Variants in DNAH1 observed in about 807,000 individuals in gnomAD.
DNAH1 encodes the protein dynein axonemal heavy chain 1.
DNAH1 carries 327 observed loss-of-function variants against 484.3 expected under a neutral mutation model. The observed-to-expected ratio is 0.68, with a 90% CI of 0.62 to 0.74. DNAH1 has a LOEUF of 0.74. Among genes scored for constraint, DNAH1 ranks in the 30% least tolerant of loss-of-function variants. The pLI is 0.00. For missense variants in DNAH1, 5,052 were observed against 5,546.8 expected (o/e 0.91, Z 2.83); for synonymous variants, 2,192 against 2,191.9 (o/e 1.00, Z 0.00).
At chr3:52,326,598 T>G (rs1701353682) in intron 4 of DNAH1, 137 bp from the exon 5 acceptor site, 2 of 1,137,108 alleles carry the variant, frequency 1.8e-6, no homozygotes, top group East Asian at 5.1e-5. Flanking sequence ...CTGATGAGTC[T>G]CAGAGGGGTG....
At chr3:52,327,089 C>G (rs556533169) in intron 5 of DNAH1, among the ~76,000 whole-genome samples, 198 bp downstream of exon 5, 2 of 151,342 alleles carry the variant, frequency 1.3e-5, no homozygotes, top group East Asian at 1.9e-4. Context: ...CCCCAGCCCC[C>G]CTAGAATGCT....
Position 52,386,729 on chromosome 3 carries a change from G to T in DNAH1, c.8879G>T (p.Gly2960Val), listed in dbSNP as rs780656736. ...LVIEAVCIMK[G>V]IKPKKVPGEK... is the part of the protein sequence containing the mutation. ...ATAGAAGCTGTGTGCATTATGAAAG[G>T]CATCAAGCCCAAGAAGGTGCCTGGA... is the stretch of plus-strand genomic sequence containing the variant. The change falls in exon 56 of 78, where the codon GGC becomes GTC. Residue 2960 changes from glycine (G) to valine (V), a missense_variant. This residue lies in a region of DNAH1 where 2,929 missense variants were observed against 3,409.4 expected (regional missense o/e 0.86). Transcript: ENST00000420323. 1 of 1,591,072 alleles carries T rather than the reference G, an allele frequency of 6.3e-7. No homozygotes were observed. The highest frequency in any genetic ancestry group is 1.8e-5 in the Admixed American group (1 of 56,588).
rs1241459648 is a variant in DNAH1 at position 52,322,749 on chromosome 3, A to G, written c.307A>G (p.Ser103Gly). 6.2e-7 allele frequency: 1 copy of G among 1,609,010 alleles called. No individual in the cohort carries two copies. Among genetic ancestry groups the G allele is most frequent in the Admixed American group, 1.7e-5 (1 of 59,396 alleles). ...GCGTGGGTTCTACTCCGACATCCTC[A>G]GCCCTGGAACCTTAGATCAACTTGG... ...KQRGFYSDIL[S>G]PGTLDQLGEV... is the part of the protein sequence containing the mutation. The change falls in exon 2 of 78, where the codon AGC (serine) becomes GGC (glycine). Residue 103 changes from serine to glycine, a missense_variant. By Grantham distance (56) the Ser-to-Gly change is moderately conservative. Around this residue, in one of 4 missense-constraint regions of DNAH1, gnomAD observed 1,263 missense variants for 1,218.8 expected, o/e 1.04. Coordinates refer to ENST00000420323, the MANE Select transcript of DNAH1 (RefSeq NM_015512.5).
intron 63 of DNAH1, among the ~76,000 whole-genome samples, chr3:52,392,247 C>T (rs1406020520): frequency 6.6e-6 from 1 of 152,232 alleles, no homozygotes; most frequent in Non-Finnish European, 1.5e-5. Context: ...GGATTCCAGG[C>T]TGCCACCCAA....
At chr3:52,373,812 A>G (rs1703463686) in intron 44 of DNAH1, 2 of 1,423,446 alleles carry the variant, frequency 1.4e-6, no homozygotes, top group East Asian at 4.6e-5. Flanking sequence ...CCATAATTGG[A>G]ATGTGATCAC....
At position 52,366,878 on chromosome 3, in the gene DNAH1, C is replaced by G. The variant is rs777957303; in HGVS notation, c.5756C>G (p.Thr1919Ser). The change falls in exon 36 of 78, where the codon ACC becomes AGC. Residue 1919 changes from threonine to serine, a missense_variant. This residue lies in a region of DNAH1 where 2,929 missense variants were observed against 3,409.4 expected (regional missense o/e 0.86). Coordinates refer to ENST00000420323, the MANE Select transcript of DNAH1 (RefSeq NM_015512.5). Reference sequence around the variant, plus strand: ...CTGTACGGGGAGTTTGACCTCCTCACCCATGAGTGGTGAGTGACCCCCCAG... The same window carrying G: ...CTGTACGGGGAGTTTGACCTCCTCAGCCATGAGTGGTGAGTGACCCCCCAG... ...GQLYGEFDLL[T>S]HEWTDGIFSS... 4 of 1,612,168 alleles carry G rather than the reference C, an allele frequency of 2.5e-6. No individual in the cohort carries two copies. The African/African-American group carries it at 5.3e-5, about 22-fold the overall frequency.
Position 52,396,624 on chromosome 3 carries a change from G to A in DNAH1, c.11437G>A (p.Glu3813Lys), listed in dbSNP as rs753739635. The change falls in exon 72 of 78, where the codon GAG becomes AAG. Residue 3813 changes from glutamate (E) to lysine (K), a missense_variant. Coordinates refer to ENST00000420323, the MANE Select transcript of DNAH1 (RefSeq NM_015512.5). ...TGCCTCCCACCTCCCCCAGGTGATG[G>A]AGTTCAAGTCTCTGCTGCTGTCTCT... ...DFLNSCHKVM[E>K]FKSLLLSLCL... The A allele has an allele frequency of 4.3e-6, 7 of 1,612,336 alleles. No individual in the cohort carries two copies. Among genetic ancestry groups the A allele is most frequent in the Non-Finnish European group, 5.9e-6 (7 of 1,178,826 alleles).
intron 48 of DNAH1, among the ~76,000 whole-genome samples, chr3:52,380,342 C>G (rs1302548046): frequency 6.6e-6 from 1 of 152,250 alleles, no homozygotes; most frequent in African/African-American, 2.4e-5. Flanking sequence ...CTCTGAAAAC[C>G]AGCCTGTGGT....
rs375983121 is a variant in DNAH1, at chr3:52,391,047, A to G, written c.9734A>G (p.Lys3245Arg). ...CAGAGCCAGGCCAACAAATGGATCA[A>G]GAACATGGTGAGCCCACCCACCAGG... The part of the protein sequence containing the change: ...DPQSQANKWI[K>R]NMEKDNGLDV... The change falls in exon 61 of 78, where the codon AAG becomes AGG. Residue 3245 changes from lysine to arginine, a missense_variant. Physicochemically the swap from Lys to Arg is conservative, Grantham distance 26. This residue lies in a region of DNAH1 where 2,929 missense variants were observed against 3,409.4 expected (regional missense o/e 0.86). Transcript: ENST00000420323. 13 of 1,564,010 alleles carry G rather than the reference A, an allele frequency of 8.3e-6. No homozygotes were observed. The African/African-American group carries it at 1.4e-4, about 16-fold the overall frequency.
rs771568448 is a variant in DNAH1 at position 52,352,657 on chromosome 3, G to A, written c.2977G>A (p.Ala993Thr). 4 of 1,613,136 alleles carry A rather than the reference G, an allele frequency of 2.5e-6. No individual in the cohort carries two copies. The South Asian group carries it at 3.3e-5, about 13-fold the overall frequency. ...GCAGCTGAAGGACTGCCAGCAGCTG[G>A]CCATGCTCTACAACAACCGCGAGCG... ...KKQLKDCQQLAMLYNNRERIF... is the reference protein window; with the variant it reads ...KKQLKDCQQLTMLYNNRERIF... The change falls in exon 18 of 78, where the codon GCC becomes ACC. Residue 993 changes from alanine (A) to threonine (T), a missense_variant. Physicochemically the swap from Ala to Thr is moderately conservative, Grantham distance 58. Coordinates refer to ENST00000420323, the MANE Select transcript of DNAH1 (RefSeq NM_015512.5).
At chr3:52,352,845 C>G in intron 18 of DNAH1, 138 bp downstream of exon 18, 2 of 1,348,434 alleles carry the variant, frequency 1.5e-6, no homozygotes, top group Non-Finnish European at 9.9e-7. Flanking sequence ...TAGCCCAACC[C>G]TGGCCCTCAG....
rs190717985 is a variant in DNAH1, at chr3:52,323,683, C to T, written c.334-125C>T. 6.3e-4 allele frequency: 408 copies of T among 646,484 alleles called. No homozygotes were observed. The African/African-American group carries it at 6.7e-3, about 11-fold the overall frequency. 40.0% of individuals were successfully genotyped at this position (646,484 alleles called of 1,614,324 possible). A position where few individuals can be genotyped will look rare whatever the true frequency, so the allele number is the denominator to read the frequency against. ...TGTGCATACTCACTGGTTCTGCCCA[C>T]TCCTGTGCTCCTGGAGTGCTCCCTG... On this transcript the variant is annotated intron_variant, in intron 2 of 77. Coordinates refer to ENST00000420323, the MANE Select transcript of DNAH1 (RefSeq NM_015512.5).
Position 52,357,926 on chromosome 3 carries a change from C to G in DNAH1, c.4009C>G (p.Leu1337Val). 4 of 1,613,238 alleles carry G rather than the reference C, an allele frequency of 2.5e-6. No individual in the cohort carries two copies. The highest frequency in any genetic ancestry group is 3.4e-6 in the Non-Finnish European group (4 of 1,179,788). ...RFYFLSDDELLEILSQTKDPT... is the reference protein window; with the variant it reads ...RFYFLSDDELVEILSQTKDPT... Reference sequence around the variant, plus strand: ...CTACTTCCTGTCAGATGATGAACTACTAGAGATCTTGTCGCAGACAAAGGA... The same window carrying G: ...CTACTTCCTGTCAGATGATGAACTAGTAGAGATCTTGTCGCAGACAAAGGA... The change falls in exon 24 of 78, where the codon CTA becomes GTA. Residue 1337 changes from leucine to valine, a missense_variant. By Grantham distance (32) the Leu-to-Val change is conservative. Transcript: ENST00000420323.
At chr3:52,382,584 C>G (rs1259480378) in intron 50 of DNAH1, 129 bp downstream of exon 50, 1 of 1,437,426 alleles carries the variant, frequency 7.0e-7, no homozygotes, top group Non-Finnish European at 9.3e-7. Flanking sequence ...GAAGAGACCA[C>G]CAGGACCAGG....
Position 52,382,337 on chromosome 3 carries a change from T to A in DNAH1, c.7823T>A (p.Phe2608Tyr). 6.2e-7 allele frequency: 1 copy of A among 1,613,898 alleles called. No individual in the cohort carries two copies. The highest frequency in any genetic ancestry group is 2.2e-5 in the East Asian group (1 of 44,870). ...LASHMAEYEC[F>Y]QIELSKNYGM... Reference sequence around the variant, plus strand: ...GCCTCCAGGGCCGAGTACGAGTGCTTCCAGATTGAACTATCCAAGAACTAC... The same window carrying A: ...GCCTCCAGGGCCGAGTACGAGTGCTACCAGATTGAACTATCCAAGAACTAC... The change falls in exon 50 of 78, where the codon TTC becomes TAC. Residue 2608 changes from phenylalanine (F) to tyrosine (Y), a missense_variant. Transcript: ENST00000420323.
At chr3:52,398,652 G>GT (rs1704750946) in intron 75 of DNAH1, among the ~76,000 whole-genome samples, 198 bp from the exon 76 acceptor site, 1 of 151,886 alleles carries the variant, frequency 6.6e-6, no homozygotes, top group Admixed American at 6.6e-5. Context: ...AAAATGTTCC[G>GT]TAAGCTATCC....
intron 8 of DNAH1, 37 bp downstream of exon 8, chr3:52,332,431 A>G (rs2153223270): frequency 6.3e-7 from 1 of 1,597,714 alleles, no homozygotes; most frequent in Non-Finnish European, 8.5e-7. Context: ...TCTGGGCATC[A>G]CCTTCTTCAG....
Position 52,345,491 on chromosome 3 carries a change from G to C in DNAH1, c.1445-4G>C. 6.4e-7 allele frequency: 1 copy of C among 1,558,878 alleles called. No homozygotes were observed. Among genetic ancestry groups the C allele is most frequent in the African/African-American group, 1.4e-5 (1 of 73,550 alleles). ...ATACTGGCCCTTGGCCCCTATCCCT[G>C]CAGGGCTGGTGAGTGTCCCCAAGTA... On this transcript the variant is annotated splice_polypyrimidine_tract_variant and splice_region_variant and intron_variant, in intron 9 of 77. Coordinates refer to ENST00000420323, the MANE Select transcript of DNAH1 (RefSeq NM_015512.5).
intron 1 of DNAH1, among the ~76,000 whole-genome samples, chr3:52,319,527 C>A (rs539596022): frequency 6.6e-6 from 1 of 152,240 alleles, no homozygotes; most frequent in African/African-American, 2.4e-5. Context: ...ATTCCCAACA[C>A]TGTGCCCACC....
Sources: gnomAD v4.1 joint callset for allele counts (sites outside exome capture counted in the v4.1 genomes callset) on GRCh38, gnomAD v4.1.1 for gene constraint, gnomAD v4.1.1 regional missense constraint, MANE v1.5 for transcripts, NCBI Gene and HGNC (gene_info 2026-07-23, HGNC 2026-07-21) for gene names.